Variants in CADM2 observed in about 807,000 individuals in gnomAD.
CADM2 encodes immunoglobulin superfamily member 4D.
In CADM2, 12 loss-of-function variants were observed where a neutral mutation model predicts 49.8. The observed-to-expected ratio is 0.24, with a 90% CI of 0.15 to 0.39. The LOEUF (loss-of-function observed/expected upper bound fraction) is 0.39, where lower values mean the gene tolerates loss of function less well. CADM2 is among the 10% of genes least tolerant of loss of function. The probability of loss-of-function intolerance (pLI) is 1.00; values close to 1 mark genes in which losing one functional copy is unlikely to be tolerated. For missense variants in CADM2, 378 were observed against 492.3 expected, an observed-to-expected ratio of 0.77 and a Z score of 2.20; for synonymous variants, 214 against 175.4, an observed-to-expected ratio of 1.22 and a Z score of -1.74.
Position 85,479,563 on chromosome 3 carries a change from G to C in CADM2, c.62-246959G>C, listed in dbSNP as rs187363173. ...GAGCAGGAGATTCAGATTCCGATTT[G>C]TCTCCTCCCAAAACCCATGTAATTT... is the stretch of plus-strand genomic sequence containing the variant. On this transcript the variant is annotated intron_variant, in intron 1 of 9. Coordinates refer to ENST00000383699, the MANE Select transcript of CADM2 (RefSeq NM_001167675.2). Among the ~76,000 whole-genome samples the C allele has an allele frequency of 2.6e-5, 4 of 151,960 alleles. No homozygotes were observed. The East Asian group carries it at 7.8e-4, about 29-fold the overall frequency.
At chr3:85,090,729 G>A (rs1575841990) in intron 1 of CADM2, among the ~76,000 whole-genome samples, 1 of 152,180 alleles carries the variant, frequency 6.6e-6, no homozygotes, top group Non-Finnish European at 1.5e-5. Flanking sequence ...ACCACCTGCT[G>A]TCAGATTAGC....
intron 6 of CADM2, among the ~76,000 whole-genome samples, chr3:85,932,952 T>C (rs1559750614): frequency 6.6e-6 from 1 of 152,180 alleles, no homozygotes; most frequent in African/African-American, 2.4e-5. Context: ...AAATTCTGTG[T>C]GTCAGATCTA....
chr3:85,795,911 A>G (rs2071593097), intron 2 of CADM2, among the ~76,000 whole-genome samples: 1 of 152,192 alleles, frequency 6.6e-6, no homozygotes, highest in Non-Finnish European at 1.5e-5. Flanking sequence ...ACAAACTCCA[A>G]ATGGTTCATT....
intron 1 of CADM2, among the ~76,000 whole-genome samples, chr3:85,185,726 G>T (rs2041045660): frequency 6.6e-6 from 1 of 152,096 alleles, no homozygotes; most frequent in Non-Finnish European, 1.5e-5. Flanking sequence ...TGAGGATTTG[G>T]TTAAGAGCAA....
chr3:85,063,760 G>A (rs1375247230), intron 1 of CADM2, among the ~76,000 whole-genome samples: 1 of 151,942 alleles, frequency 6.6e-6, no homozygotes, highest in Non-Finnish European at 1.5e-5. Flanking sequence ...ATCTGTAAAT[G>A]AGAACATGAG....
chr3:85,153,727 C>G (rs368281371), intron 1 of CADM2, among the ~76,000 whole-genome samples: 2 of 151,936 alleles, frequency 1.3e-5, no homozygotes, highest in South Asian at 2.1e-4. Flanking sequence ...TCTCCCAGCA[C>G]GCAGCTGGAG....
At chr3:85,428,247 A>G (rs548057783) in intron 1 of CADM2, among the ~76,000 whole-genome samples, 73 of 149,688 alleles carry the variant, frequency 4.9e-4, no homozygotes, top group South Asian at 1.2e-3. Context: ...AAATATATAT[A>G]CTTGAACTTA....
intron 1 of CADM2, among the ~76,000 whole-genome samples, chr3:85,325,344 A>C (rs954203339): frequency 2.0e-5 from 3 of 152,144 alleles, no homozygotes; most frequent in Non-Finnish European, 4.4e-5. Flanking sequence ...ATTTGTTGAG[A>C]TATCTTGAGT....
chr3:85,357,682 T>C (rs1413402176), intron 1 of CADM2, among the ~76,000 whole-genome samples: 1 of 145,140 alleles, frequency 6.9e-6, no homozygotes, highest in Non-Finnish European at 1.5e-5. Flanking sequence ...CTTCCCAAGG[T>C]CGCATTCAAG....
intron 1 of CADM2, among the ~76,000 whole-genome samples, chr3:85,098,331 G>A (rs2037881608): frequency 6.6e-6 from 1 of 150,894 alleles, no homozygotes; most frequent in South Asian, 2.1e-4. Flanking sequence ...TTAAACAGTA[G>A]TTAAATGTAA....
chr3:85,980,496 T>C (rs1727344523), intron 8 of CADM2, among the ~76,000 whole-genome samples: 2 of 151,524 alleles, frequency 1.3e-5, no homozygotes, highest in African/African-American at 2.4e-5. Context: ...TTAATGGTAG[T>C]AGCAATAAGA....
chr3:85,670,461 T>C (rs2065703332), intron 1 of CADM2, among the ~76,000 whole-genome samples: 1 of 152,110 alleles, frequency 6.6e-6, no homozygotes. Flanking sequence ...GATTTCAAAA[T>C]TTTTGCGCTC....
intron 1 of CADM2, among the ~76,000 whole-genome samples, chr3:85,287,553 T>C (rs140600932): frequency 3.3e-5 from 5 of 152,092 alleles, no homozygotes; most frequent in African/African-American, 9.7e-5. Context: ...AAAAGATTAT[T>C]CTTTCTTGTT....
chr3:85,793,552 G>A (rs188154788), intron 2 of CADM2, among the ~76,000 whole-genome samples: 1 of 152,310 alleles, frequency 6.6e-6, no homozygotes, highest in African/African-American at 2.4e-5. Context: ...GAGCTGTGGT[G>A]TTTGCCAACT....
chr3:85,711,057 A>C (rs554748673), intron 1 of CADM2, among the ~76,000 whole-genome samples: 1 of 152,166 alleles, frequency 6.6e-6, no homozygotes, highest in Non-Finnish European at 1.5e-5. Flanking sequence ...TCTATAAATT[A>C]TATTTTCATG....
At chr3:86,052,188 AT>A (rs1737420891) in intron 8 of CADM2, among the ~76,000 whole-genome samples, 1 of 152,090 alleles carries the variant, frequency 6.6e-6, no homozygotes, top group Admixed American at 6.5e-5. Context: ...TTAAAATATG[AT>A]TTATTTTAGG....
At chr3:85,898,944 TA>T (rs1715665895) in intron 5 of CADM2, among the ~76,000 whole-genome samples, 1 of 57,954 alleles carries the variant, frequency 1.7e-5, no homozygotes, top group Non-Finnish European at 3.2e-5. Flanking sequence ...TGTGTATATA[TA>T]TATATATATA....
chr3:85,192,277 G>C (rs567393391), intron 1 of CADM2, among the ~76,000 whole-genome samples: 2 of 151,928 alleles, frequency 1.3e-5, no homozygotes, highest in African/African-American at 4.8e-5. Flanking sequence ...TTAAATAAAA[G>C]TCTTAGAATT....
At chr3:85,359,666 A>ATATATATATATATATATATATATTTT in intron 1 of CADM2, among the ~76,000 whole-genome samples, 20 of 26,548 alleles carry the variant, frequency 7.5e-4, no homozygotes, top group Non-Finnish European at 1.1e-3. Context: ...ATATATATAT[A>ATATATATATATATATATATATATTTT]TTTTTTTTTT....
Sources: allele counts gnomAD v4.1 joint callset (sites outside exome capture counted in the v4.1 genomes callset), GRCh38; gene constraint gnomAD v4.1.1; transcripts MANE v1.5; gene names NCBI Gene and HGNC (gene_info 2026-07-23, HGNC 2026-07-21).